Variants in JADE3 observed in about 807,000 individuals in gnomAD.
JADE3 encodes jade family PHD finger 3.
A neutral mutation model predicts 50.1 loss-of-function variants in JADE3; 2 were observed. That is an observed-to-expected ratio of 0.04 (90% CI 0.02 to 0.13). The LOEUF is 0.13. Among genes scored for constraint, JADE3 ranks in the 10% least tolerant of loss-of-function variants. The pLI, the probability that JADE3 is intolerant of heterozygous loss-of-function variation, is 1.00. For synonymous variants in JADE3, 218 were observed against 232.9 expected (o/e 0.94, Z 0.58); for missense variants, 475 against 634.4 (o/e 0.75, Z 2.70).
At chrX:46,946,691 C>T (rs1926890872) in intron 1 of JADE3, among the ~76,000 whole-genome samples, 1 of 111,891 alleles carries the variant, frequency 8.9e-6, no homozygotes, top group Admixed American at 9.5e-5. Flanking sequence ...TTGCAAGAGC[C>T]GATTTGCGTG....
At chrX:47,026,104 T>G (rs1212108042) in intron 5 of JADE3, among the ~76,000 whole-genome samples, 1 of 111,147 alleles carries the variant, frequency 9.0e-6, no homozygotes, top group East Asian at 2.8e-4. Flanking sequence ...GAGAAGGGAA[T>G]GAAAGACTGA....
chrX:46,980,417 G>A (rs371426579), intron 1 of JADE3, among the ~76,000 whole-genome samples: 1 of 110,689 alleles, frequency 9.0e-6, no homozygotes, highest in East Asian at 2.8e-4. Flanking sequence ...GATATTACAC[G>A]TGTGTGTAAT....
At chrX:46,976,007 C>T (rs1439215638) in intron 1 of JADE3, among the ~76,000 whole-genome samples, 3 of 110,404 alleles carry the variant, frequency 2.7e-5, no homozygotes, top group Non-Finnish European at 5.7e-5. Flanking sequence ...GGATTATAGG[C>T]GTGAACCACC....
At chrX:46,923,393 CTTTTTTTTTTT>C (rs782555482) in intron 1 of JADE3, among the ~76,000 whole-genome samples, 13 of 11,524 alleles carry the variant, frequency 1.1e-3, no homozygotes, top group East Asian at 3.6e-3. Flanking sequence ...CTCTCTCTCT[CTTTTTTTTTTT>C]TTTTTTTTTT....
intron 1 of JADE3, among the ~76,000 whole-genome samples, chrX:46,942,868 G>A (rs1346779820): frequency 9.0e-6 from 1 of 111,595 alleles, no homozygotes; most frequent in African/African-American, 3.3e-5. Context: ...TTATGTCATT[G>A]TGATTTCTTT....
At chrX:47,010,259 G>A (rs182548346) in intron 4 of JADE3, among the ~76,000 whole-genome samples, 6 of 109,733 alleles carry the variant, frequency 5.5e-5, no homozygotes, top group Middle Eastern at 4.8e-3. Flanking sequence ...ACGGAGTTTC[G>A]CTCTTGTTGC....
At chrX:46,940,626 C>G (rs1473076479) in intron 1 of JADE3, among the ~76,000 whole-genome samples, 1 of 110,595 alleles carries the variant, frequency 9.0e-6, no homozygotes, top group African/African-American at 3.3e-5. Context: ...AGAGGAAAGC[C>G]CAACTCTTAC....
At chrX:47,018,747 C>G (rs1312566906) in intron 4 of JADE3, among the ~76,000 whole-genome samples, 2 of 112,099 alleles carry the variant, frequency 1.8e-5, no homozygotes, top group Non-Finnish European at 3.8e-5. Flanking sequence ...CTTAGAGCAG[C>G]TGTGTTATAC....
At chrX:47,033,848 C>T (rs1929074334) in intron 7 of JADE3, 60 bp downstream of exon 7, 1 of 944,933 alleles carries the variant, frequency 1.1e-6, no homozygotes, top group Non-Finnish European at 1.4e-6. Flanking sequence ...TTCCCCACAG[C>T]ATTCAGACTG....
chrX:47,052,962 A>G (rs1471333914), intron 8 of JADE3, among the ~76,000 whole-genome samples: 2 of 109,995 alleles, frequency 1.8e-5, no homozygotes, highest in Admixed American at 9.7e-5. Flanking sequence ...AGGCTGAGGC[A>G]GGAGAATTGC....
intron 1 of JADE3, among the ~76,000 whole-genome samples, chrX:46,913,648 G>T (rs1417246772): frequency 9.0e-6 from 1 of 110,644 alleles, no homozygotes; most frequent in Non-Finnish European, 1.9e-5. Context: ...CAGAGCCAGT[G>T]CTTCGGTGGA....
chrX:46,943,278 G>A (rs1202920536), intron 1 of JADE3, among the ~76,000 whole-genome samples: 4 of 111,718 alleles, frequency 3.6e-5, no homozygotes, highest in African/African-American at 6.5e-5. Flanking sequence ...TCTTGTTCCT[G>A]TTCTTAAGGG....
chrX:47,016,128 G>A (rs1024228468), intron 4 of JADE3, among the ~76,000 whole-genome samples: 2 of 110,612 alleles, frequency 1.8e-5, no homozygotes, highest in Admixed American at 1.9e-4. Context: ...GCGGGGGTAG[G>A]CTTTGAAGTG....
At chrX:47,046,641 G>A (rs1261063440) in intron 8 of JADE3, among the ~76,000 whole-genome samples, 1 of 112,175 alleles carries the variant, frequency 8.9e-6, no homozygotes, top group African/African-American at 3.2e-5. Flanking sequence ...ACAAAGTACT[G>A]GAACACCAAA....
At chrX:46,967,546 A>G (rs1927393953) in intron 1 of JADE3, among the ~76,000 whole-genome samples, 1 of 111,625 alleles carries the variant, frequency 9.0e-6, no homozygotes. Flanking sequence ...GGTTCCATCC[A>G]TGACTTAGAT....
chrX:47,023,127 T>C (rs1556364825), intron 4 of JADE3, among the ~76,000 whole-genome samples: 1 of 111,838 alleles, frequency 8.9e-6, no homozygotes, highest in African/African-American at 3.3e-5. Context: ...CCCTTCAACT[T>C]TTAAGTTCAG....
chrX:47,000,005 C>T (rs1292928168), intron 4 of JADE3, among the ~76,000 whole-genome samples: 1 of 110,852 alleles, frequency 9.0e-6, no homozygotes, highest in Non-Finnish European at 1.9e-5. Flanking sequence ...AGATAACATC[C>T]TTGAATTCTC....
At chrX:47,030,779 T>C (rs782628828) in intron 6 of JADE3, among the ~76,000 whole-genome samples, 1 of 111,858 alleles carries the variant, frequency 8.9e-6, no homozygotes, top group East Asian at 2.8e-4. Context: ...GGGCCGGGCA[T>C]GGTGGCTCAC....
intron 8 of JADE3, among the ~76,000 whole-genome samples, chrX:47,041,707 T>C (rs1409006527): frequency 9.3e-6 from 1 of 107,643 alleles, no homozygotes; most frequent in Non-Finnish European, 1.9e-5. Context: ...TCCGAGTCTC[T>C]CCTTGTTGCC....
Sources: gnomAD v4.1 joint callset for allele counts (sites outside exome capture counted in the v4.1 genomes callset) on GRCh38, gnomAD v4.1.1 for gene constraint, MANE v1.5 for transcripts, NCBI Gene and HGNC (gene_info 2026-07-23, HGNC 2026-07-21) for gene names.